The following TANC1 variants were observed in gnomAD, a reference collection of about 807,000 sequenced individuals.
TANC1 encodes the protein protein TANC1.
In TANC1, 77 loss-of-function variants were observed where a neutral mutation model predicts 149.7. The observed-to-expected ratio is 0.51, with a 90% CI of 0.43 to 0.62. The LOEUF is 0.62. Ranked by LOEUF, TANC1 falls within the 20% of genes least tolerant of loss-of-function variation. The pLI, the probability that TANC1 is intolerant of heterozygous loss-of-function variation, is 0.00. For missense variants in TANC1, 1,985 were observed against 2,321.8 expected (o/e 0.85, Z 2.98); for synonymous variants, 854 against 925.0 (o/e 0.92, Z 1.39).
At chr2:159,148,994 A>T in intron 5 of TANC1, 148 bp from the exon 6 acceptor site, 1 of 835,780 alleles carries the variant, frequency 1.2e-6, no homozygotes, top group Non-Finnish European at 1.9e-6. Flanking sequence ...ATGTATTGCT[A>T]GAGGACAGGG....
intron 7 of TANC1, among the ~76,000 whole-genome samples, chr2:159,153,768 G>A (rs74994046): frequency 7.7e-4 from 117 of 152,286 alleles, no homozygotes; most frequent in African/African-American, 2.7e-3. Flanking sequence ...ACTCAGTTGT[G>A]GTTCTGTGAT....
At chr2:159,143,708 A>G (rs147455019) in intron 5 of TANC1, among the ~76,000 whole-genome samples, 48 of 152,236 alleles carry the variant, frequency 3.2e-4, no homozygotes, top group African/African-American at 1.1e-3. Context: ...ACATGCTTCA[A>G]CCAAAAGAAC....
chr2:158,993,105 C>T (rs2149287339), intron 1 of TANC1, among the ~76,000 whole-genome samples: 1 of 152,144 alleles, frequency 6.6e-6, no homozygotes, highest in South Asian at 2.1e-4. Context: ...TTTATAACAG[C>T]GTTTTAAGGT....
chr2:159,115,207 C>CGT lies in TANC1; in HGVS notation c.259+17386_259+17387dup, dbSNP rs552279066. Among the ~76,000 whole-genome samples the CGT allele has an allele frequency of 6.2e-3, 922 of 149,306 alleles. 2 individuals are homozygous for CGT. The highest frequency in any genetic ancestry group is 0.013 in the African/African-American group (532 of 40,704). ...GTGTGTGTGTGTGTGTATGTGTGTCCGTGTGTGTGTGTGTCATTGGAGGAG... is the reference window on the plus strand; with the variant it reads ...GTGTGTGTGTGTGTGTATGTGTGTCCGTGTGTGTGTGTGTGTCATTGGAGGAG... On this transcript the variant is annotated intron_variant, in intron 4 of 26. Coordinates refer to ENST00000263635, the MANE Select transcript of TANC1 (RefSeq NM_033394.3).
chr2:158,982,120 T>C (rs1211885255), intron 1 of TANC1, among the ~76,000 whole-genome samples: 2 of 152,200 alleles, frequency 1.3e-5, no homozygotes, highest in Non-Finnish European at 2.9e-5. Flanking sequence ...AATAGCTTAG[T>C]ATATATAAAG....
At chr2:159,172,759 G>A (rs2150490381) in intron 11 of TANC1, among the ~76,000 whole-genome samples, 1 of 152,348 alleles carries the variant, frequency 6.6e-6, no homozygotes, top group South Asian at 2.1e-4. Context: ...TCTTTCTGAA[G>A]TTTTTCTTCT....
At chr2:158,976,607 G>A (rs1038138525) in intron 1 of TANC1, among the ~76,000 whole-genome samples, 3 of 152,136 alleles carry the variant, frequency 2.0e-5, no homozygotes, top group Admixed American at 6.5e-5. Flanking sequence ...TGGGCTGAGC[G>A]CGGTGACTCA....
rs972302491 is a variant in TANC1, at chr2:159,150,642, A to G, written c.682+86A>G. The G allele has an allele frequency of 4.6e-6, 5 of 1,093,378 alleles. No individual in the cohort carries two copies. In the Admixed American group the frequency reaches 7.6e-5, roughly 17 times the overall value. The allele number at this position is 1,093,378 out of a possible 1,614,324, so 67.7% of individuals were successfully genotyped here. ...AGGCACTTCCTCAGAGGGTTTTAGCATGGTCTGTGAAGGTCAGTCTGCCAG... is the reference window on the plus strand; with the variant it reads ...AGGCACTTCCTCAGAGGGTTTTAGCGTGGTCTGTGAAGGTCAGTCTGCCAG... On this transcript the variant is annotated intron_variant, in intron 7 of 26. Coordinates refer to ENST00000263635, the MANE Select transcript of TANC1 (RefSeq NM_033394.3).
At chr2:158,989,981 T>C (rs977381499) in intron 1 of TANC1, among the ~76,000 whole-genome samples, 3 of 151,608 alleles carry the variant, frequency 2.0e-5, no homozygotes, top group African/African-American at 7.3e-5. Flanking sequence ...AGTGATACAA[T>C]CTCGGTTCAC....
intron 7 of TANC1, among the ~76,000 whole-genome samples, chr2:159,159,086 T>C (rs1264176931): frequency 6.6e-6 from 1 of 152,230 alleles, no homozygotes; most frequent in South Asian, 2.1e-4. Flanking sequence ...CCCACCAAAC[T>C]ACCTATAGGG....
At chr2:159,076,573 T>G (rs1268651636) in intron 3 of TANC1, among the ~76,000 whole-genome samples, 2 of 152,242 alleles carry the variant, frequency 1.3e-5, no homozygotes, top group South Asian at 2.1e-4. Flanking sequence ...CAACATTTCC[T>G]TAATAAATTG....
At chr2:159,023,550 C>T (rs533928737) in intron 2 of TANC1, among the ~76,000 whole-genome samples, 1 of 152,114 alleles carries the variant, frequency 6.6e-6, no homozygotes, top group African/African-American at 2.4e-5. Flanking sequence ...CCATTCTGCC[C>T]AGGCTGTTCT....
chr2:159,198,387 C>T (rs1297074651), intron 18 of TANC1, among the ~76,000 whole-genome samples: 1 of 152,146 alleles, frequency 6.6e-6, no homozygotes, highest in Non-Finnish European at 1.5e-5. Context: ...TCGTGTTCTC[C>T]CGTTGCTCGC....
At chr2:158,986,882 T>A (rs1421417842) in intron 1 of TANC1, among the ~76,000 whole-genome samples, 1 of 152,146 alleles carries the variant, frequency 6.6e-6, no homozygotes, top group Non-Finnish European at 1.5e-5. Context: ...TCTGTTGTTT[T>A]AAGTGGACCT....
At position 159,042,213 on chromosome 2, in the gene TANC1, C is replaced by T. The variant is rs909902007; in HGVS notation, c.-15-23683C>T. On this transcript the variant is annotated intron_variant, in intron 2 of 26. Transcript: ENST00000263635. ...AGGAGGAGAGGCCTCCACCCAGCCTCGGCACGCACAAACCTGTTAGCACCC... is the reference window on the plus strand; with the variant it reads ...AGGAGGAGAGGCCTCCACCCAGCCTTGGCACGCACAAACCTGTTAGCACCC... 5.4e-4 allele frequency among the ~76,000 whole-genome samples: 82 copies of T among 152,154 alleles called. 1 individual carries two copies. Among genetic ancestry groups the T allele is most frequent in the African/African-American group, 2.2e-4 (9 of 41,440 alleles).
At chr2:159,146,834 C>T (rs2052171760) in intron 5 of TANC1, among the ~76,000 whole-genome samples, 2 of 152,076 alleles carry the variant, frequency 1.3e-5, no homozygotes, top group Non-Finnish European at 2.9e-5. Context: ...AGCCACCGCA[C>T]CCGGCTTAGG....
intron 2 of TANC1, among the ~76,000 whole-genome samples, chr2:159,014,194 G>A (rs1263926271): frequency 6.6e-6 from 1 of 152,174 alleles, no homozygotes; most frequent in Non-Finnish European, 1.5e-5. Context: ...AAAAGAAAGA[G>A]GTTTAATTGG....
intron 2 of TANC1, among the ~76,000 whole-genome samples, chr2:159,033,631 C>T (rs1294704952): frequency 6.6e-6 from 1 of 152,156 alleles, no homozygotes; most frequent in East Asian, 1.9e-4. Flanking sequence ...GTGGTTGTCC[C>T]TCTATTACAG....
rs560244366 is a variant in TANC1 at position 158,997,593 on chromosome 2, T to C, written c.-125-3487T>C. ...TGGGGCATCTTGCATTGTCAGAAAATAAGGAAGTGCTCACGAAACAAAGGA... is the reference window on the plus strand; with the variant it reads ...TGGGGCATCTTGCATTGTCAGAAAACAAGGAAGTGCTCACGAAACAAAGGA... On this transcript the variant is annotated intron_variant, in intron 1 of 26. Transcript: ENST00000263635. Among the ~76,000 whole-genome samples, 56 of 152,086 alleles carry C rather than the reference T, an allele frequency of 3.7e-4. 1 individual carries two copies. The highest frequency in any genetic ancestry group is 1.0e-3 in the South Asian group (5 of 4,822).
Sources: gnomAD v4.1 joint callset for allele counts (sites outside exome capture counted in the v4.1 genomes callset) on GRCh38, gnomAD v4.1.1 for gene constraint, MANE v1.5 for transcripts, NCBI Gene and HGNC (gene_info 2026-07-23, HGNC 2026-07-21) for gene names.